Variants in NRCAM observed in about 807,000 individuals in gnomAD.
NRCAM encodes neuronal cell adhesion molecule.
Under a neutral mutation model 156.5 loss-of-function variants are expected in NRCAM, and 83 were observed. The observed-to-expected ratio is 0.53, with a 90% CI of 0.44 to 0.64. The LOEUF (loss-of-function observed/expected upper bound fraction) is 0.64, where lower values mean the gene tolerates loss of function less well. Ranked by LOEUF, NRCAM falls within the 30% of genes least tolerant of loss-of-function variation. The probability of loss-of-function intolerance (pLI) is 0.00; values close to 1 mark genes in which losing one functional copy is unlikely to be tolerated. For missense variants in NRCAM, 1,417 were observed against 1,597.3 expected, an observed-to-expected ratio of 0.89 and a Z score of 1.92; for synonymous variants, 538 against 563.9, an observed-to-expected ratio of 0.95 and a Z score of 0.65.
rs2054786675 is a variant in NRCAM, at chr7:108,166,921, C to G, written c.3466G>C (p.Ala1156Pro). The G allele has an allele frequency of 1.2e-6, 2 of 1,613,558 alleles. No homozygotes were observed. The highest frequency in any genetic ancestry group is 1.7e-6 in the Non-Finnish European group (2 of 1,179,786). ...SSEDVFETGP[A>P]MASRQVDIAT... ...AGAACAGGTGTGGTGTGAGCCTCAC[C>G]TGGGCCTGTCTCAAACACATCCTCT... The change falls in exon 30 of 33, where the codon GCG (alanine) becomes CCG (proline). Residue 1156 changes from alanine to proline, a missense_variant and splice_region_variant. By Grantham distance (27) the Ala-to-Pro change is conservative. This residue lies in a region of NRCAM where 179 missense variants were observed against 260.9 expected (regional missense o/e 0.69). Transcript: ENST00000379028.
intron 13 of NRCAM, among the ~76,000 whole-genome samples, chr7:108,201,540 T>C (rs116777541): frequency 0.015 from 2,254 of 152,304 alleles, 49 homozygotes; most frequent in African/African-American, 0.047. Flanking sequence ...ACTGTACACT[T>C]AAAATGGTTA....
chr7:108,426,909 G>A (rs1026701783), intron 1 of NRCAM, among the ~76,000 whole-genome samples: 13 of 152,174 alleles, frequency 8.5e-5, no homozygotes, highest in African/African-American at 2.9e-4. Context: ...CATCATCTTA[G>A]TTATTGAATC....
chr7:108,284,228 C>G (rs1381978672), intron 3 of NRCAM, among the ~76,000 whole-genome samples: 8 of 152,288 alleles, frequency 5.3e-5, no homozygotes, highest in Non-Finnish European at 1.0e-4. Context: ...TTGAACTACT[C>G]TCATGTGCTT....
intron 2 of NRCAM, among the ~76,000 whole-genome samples, chr7:108,321,753 T>C (rs767065584): frequency 2.0e-5 from 3 of 152,204 alleles, no homozygotes; most frequent in Non-Finnish European, 4.4e-5. Context: ...TATTGCTCTA[T>C]CCATTTACAC....
chr7:108,198,091 CA>C lies in NRCAM; in HGVS notation c.1215del (p.Asp406MetfsTer7). 1 of 1,602,020 alleles carries C rather than the reference CA, an allele frequency of 6.2e-7. No homozygotes were observed. Among genetic ancestry groups the C allele is most frequent in the Non-Finnish European group, 8.5e-7 (1 of 1,176,008 alleles). ...CCATCTATTTTTCTGCTGGGGTCAT[CA>C]GGGGCAACTGTTTGGATGTAAAAAT... ...LTNGVPIEIA[P>X]DDPSRKIDGD... On this transcript the variant is annotated frameshift_variant, in exon 14 of 33. Transcript: ENST00000379028. LOFTEE classifies it high-confidence loss of function.
intron 2 of NRCAM, among the ~76,000 whole-genome samples, chr7:108,391,773 G>A (rs2099760877): frequency 2.0e-5 from 3 of 152,166 alleles, no homozygotes; most frequent in Non-Finnish European, 4.4e-5. Context: ...AGGCCTGGTG[G>A]TGACAAAATC....
chr7:108,188,920 C>T (rs2069150095), intron 20 of NRCAM, among the ~76,000 whole-genome samples: 1 of 150,346 alleles, frequency 6.7e-6, no homozygotes, highest in African/African-American at 2.4e-5. Flanking sequence ...GCGGTATATG[C>T]CTGAAGGTAA....
At chr7:108,241,069 C>G (rs2095490886) in intron 3 of NRCAM, among the ~76,000 whole-genome samples, 1 of 152,102 alleles carries the variant, frequency 6.6e-6, no homozygotes, top group Admixed American at 6.6e-5. Flanking sequence ...TAAACGGTCA[C>G]CTCCAGGAAA....
chr7:108,175,207 CTCT>C, intron 28 of NRCAM, 112 bp downstream of exon 28: 1 of 718,512 alleles, frequency 1.4e-6, no homozygotes, highest in Non-Finnish European at 2.2e-6. Flanking sequence ...ATGAGATCTT[CTCT>C]TCTTTTGGTG....
chr7:108,365,393 T>C (rs1048362810), intron 2 of NRCAM, among the ~76,000 whole-genome samples: 2 of 151,964 alleles, frequency 1.3e-5, no homozygotes, highest in Admixed American at 6.5e-5. Context: ...TCAAAAGTTT[T>C]ATTTTATTTT....
chr7:108,260,791 A>G (rs978718406), intron 3 of NRCAM, among the ~76,000 whole-genome samples: 1 of 152,134 alleles, frequency 6.6e-6, no homozygotes, highest in Non-Finnish European at 1.5e-5. Flanking sequence ...TGGTGCATAA[A>G]CAGGTGTTGG....
rs764698873 is a variant in NRCAM, at chr7:108,194,271, C to G, written c.1621G>C (p.Glu541Gln). The G allele has an allele frequency of 1.9e-6, 3 of 1,611,680 alleles. No homozygotes were observed. The highest frequency in any genetic ancestry group is 4.5e-5 in the East Asian group (2 of 44,828). The change falls in exon 16 of 33, where the codon GAA (glutamate) becomes CAA (glutamine). Residue 541 changes from glutamate (E) to glutamine (Q), a missense_variant. Physicochemically the swap from Glu to Gln is conservative, Grantham distance 29. This residue lies in a region of NRCAM where 1,238 missense variants were observed against 1,336.4 expected (regional missense o/e 0.93). Transcript: ENST00000379028. ...LGMAKNEVHL[E>Q]IKDPTWIVKQ... ...ATTACCTCTGCCTTACCTTTGATTTCTAAGTGAACTTCATTCTTCGCCATC... is the reference window on the plus strand; with the variant it reads ...ATTACCTCTGCCTTACCTTTGATTTGTAAGTGAACTTCATTCTTCGCCATC...
chr7:108,315,772 G>A (rs960665995), intron 2 of NRCAM, among the ~76,000 whole-genome samples: 3 of 152,228 alleles, frequency 2.0e-5, no homozygotes. Flanking sequence ...AAACTTGCAG[G>A]TGAACCAATG....
chr7:108,286,791 A>T (rs557548969), intron 3 of NRCAM, among the ~76,000 whole-genome samples: 1 of 152,294 alleles, frequency 6.6e-6, no homozygotes, highest in African/African-American at 2.4e-5. Context: ...CAGTTTTTCC[A>T]TTCCACTTTA....
intron 1 of NRCAM, among the ~76,000 whole-genome samples, chr7:108,406,793 G>A (rs1265450709): frequency 6.6e-6 from 1 of 152,128 alleles, no homozygotes; most frequent in Non-Finnish European, 1.5e-5. Context: ...TTGAGCAGGA[G>A]TTTGTTTATT....
chr7:108,373,838 T>A (rs934839206), intron 2 of NRCAM, among the ~76,000 whole-genome samples: 1 of 152,174 alleles, frequency 6.6e-6, no homozygotes, highest in African/African-American at 2.4e-5. Flanking sequence ...TGTTTAATGA[T>A]GTTACATGGG....
intron 2 of NRCAM, among the ~76,000 whole-genome samples, chr7:108,388,288 T>G (rs1302500939): frequency 6.6e-6 from 1 of 152,236 alleles, no homozygotes; most frequent in Non-Finnish European, 1.5e-5. Context: ...GTGGTTTTGA[T>G]TTGCATTTCC....
At chr7:108,393,595 A>G (rs1466516517) in intron 2 of NRCAM, among the ~76,000 whole-genome samples, 1 of 151,740 alleles carries the variant, frequency 6.6e-6, no homozygotes, top group Admixed American at 6.6e-5. Flanking sequence ...ACTGTCCTGC[A>G]CCCCTGTCCG....
chr7:108,255,542 T>A (rs1049406822), intron 3 of NRCAM, among the ~76,000 whole-genome samples: 1 of 152,158 alleles, frequency 6.6e-6, no homozygotes, highest in African/African-American at 2.4e-5. Context: ...GCAGCCTGCC[T>A]TGGCCTCCCA....
Sources: allele counts gnomAD v4.1 joint callset (sites outside exome capture counted in the v4.1 genomes callset), GRCh38; gene constraint gnomAD v4.1.1; regional missense constraint gnomAD v4.1.1; transcripts MANE v1.5; gene names NCBI Gene and HGNC (gene_info 2026-07-23, HGNC 2026-07-21).